Variants in SMURF2 observed in about 807,000 individuals in gnomAD.
SMURF2 encodes the protein E3 ubiquitin-protein ligase SMURF2.
SMURF2 carries 48 observed loss-of-function variants against 109.6 expected under a neutral mutation model. The ratio of observed to expected loss-of-function variants is 0.44; its 90% confidence interval spans 0.35 to 0.56. SMURF2 has a LOEUF of 0.56. SMURF2 is among the 20% of genes least tolerant of loss of function. The pLI, the probability that SMURF2 is intolerant of heterozygous loss-of-function variation, is 0.01. For missense variants in SMURF2, 575 were observed against 909.0 expected (o/e 0.63, Z 4.72); for synonymous variants, 288 against 317.1 (o/e 0.91, Z 0.97).
intron 5 of SMURF2, among the ~76,000 whole-genome samples, chr17:64,590,873 C>T (rs1490227808): frequency 1.4e-5 from 2 of 146,266 alleles, no homozygotes; most frequent in Non-Finnish European, 3.0e-5. Flanking sequence ...GAAGGATCAA[C>T]AGTTCTTCAC....
intron 1 of SMURF2, among the ~76,000 whole-genome samples, chr17:64,608,308 CT>C (rs782154790): frequency 2.6e-5 from 4 of 151,828 alleles, no homozygotes; most frequent in Non-Finnish European, 5.9e-5. Context: ...ATAAAAAAAC[CT>C]TTTGAAAACA....
chr17:64,628,911 C>A (rs1380485066), intron 1 of SMURF2, among the ~76,000 whole-genome samples: 1 of 152,156 alleles, frequency 6.6e-6, no homozygotes, highest in African/African-American at 2.4e-5. Context: ...TCTATCTCCT[C>A]CCCTGTTACT....
intron 10 of SMURF2, among the ~76,000 whole-genome samples, chr17:64,566,561 G>GTTTTTTTTTTTTTGTTTTTTT (rs1969306919): frequency 4.6e-5 from 2 of 43,784 alleles, no homozygotes; most frequent in African/African-American, 1.5e-4. Flanking sequence ...AAGCTTTCTG[G>GTTTTTTTTTTTTTGTTTTTTT]TTTTTTTTTT....
At chr17:64,591,061 G>GT (rs1555687675) in intron 5 of SMURF2, 23 bp downstream of exon 5, 1 of 1,591,718 alleles carries the variant, frequency 6.3e-7, no homozygotes, top group Non-Finnish European at 8.6e-7. Context: ...CAAAATTCAT[G>GT]TAACTTTAAA....
At chr17:64,602,468 C>T (rs187159493) in intron 2 of SMURF2, among the ~76,000 whole-genome samples, 68 of 152,108 alleles carry the variant, frequency 4.5e-4, no homozygotes, top group African/African-American at 1.5e-3. Flanking sequence ...AGTTCAATAC[C>T]TTAATAAAAA....
intron 1 of SMURF2, among the ~76,000 whole-genome samples, chr17:64,636,425 A>C (rs994582238): frequency 1.4e-4 from 21 of 152,084 alleles, no homozygotes; most frequent in Admixed American, 1.0e-3. Flanking sequence ...CAACATGGCA[A>C]AACTCCATCT....
chr17:64,644,853 C>T (rs1970539330), intron 1 of SMURF2, among the ~76,000 whole-genome samples: 1 of 148,204 alleles, frequency 6.7e-6, no homozygotes, highest in African/African-American at 2.5e-5. Context: ...TATACATATA[C>T]ACAAAAATTA....
chr17:64,634,551 G>C (rs1288194056), intron 1 of SMURF2, among the ~76,000 whole-genome samples: 2 of 152,122 alleles, frequency 1.3e-5, no homozygotes, highest in Admixed American at 1.3e-4. Context: ...GCAAGGAATT[G>C]GTATCCGCCT....
intron 3 of SMURF2, among the ~76,000 whole-genome samples, chr17:64,595,096 C>T (rs1312686145): frequency 5.3e-5 from 8 of 152,116 alleles, no homozygotes; most frequent in South Asian, 2.1e-4. Flanking sequence ...CTCAGGGCAA[C>T]GCACCACTGG....
intron 1 of SMURF2, among the ~76,000 whole-genome samples, chr17:64,621,084 T>C (rs1263913726): frequency 2.0e-5 from 3 of 152,220 alleles, no homozygotes; most frequent in African/African-American, 7.2e-5. Flanking sequence ...TCTAAAATTT[T>C]ATTTGCCTTG....
At chr17:64,586,552 T>C (rs781858358) in intron 5 of SMURF2, among the ~76,000 whole-genome samples, 2 of 144,088 alleles carry the variant, frequency 1.4e-5, no homozygotes, top group Non-Finnish European at 3.1e-5. Flanking sequence ...ATCGAGACCA[T>C]CCTGGCTAAC....
chr17:64,591,493 A>AT (rs1190805409), intron 4 of SMURF2, among the ~76,000 whole-genome samples: 4 of 152,226 alleles, frequency 2.6e-5, no homozygotes, highest in African/African-American at 9.6e-5. Context: ...TGCCTGGCAC[A>AT]TAAGTGGTCA....
rs906589569 is a variant in SMURF2 at position 64,662,094 on chromosome 17, C to T, written c.-214G>A. 83 of 1,069,036 alleles carry T rather than the reference C, an allele frequency of 7.8e-5. No homozygotes were observed. In the African/African-American group the frequency reaches 1.4e-3, roughly 18 times the overall value. 66.2% of individuals were successfully genotyped at this position (1,069,036 alleles called of 1,614,324 possible). On this transcript the variant is annotated 5_prime_UTR_variant, in exon 1 of 19. Coordinates refer to ENST00000262435, the MANE Select transcript of SMURF2 (RefSeq NM_022739.4). ...CCTCCTCCCACTTCTCCTTCCTCGG[C>T]CCGGGCCGCACAACAAAGCGGCAGC...
intron 1 of SMURF2, among the ~76,000 whole-genome samples, chr17:64,659,910 T>C (rs543084585): frequency 5.9e-5 from 9 of 152,318 alleles, no homozygotes; most frequent in East Asian, 1.9e-4. Context: ...AGACAAATAG[T>C]TGTAAGAAAC....
chr17:64,612,018 C>T (rs1970051203), intron 1 of SMURF2, among the ~76,000 whole-genome samples: 2 of 152,184 alleles, frequency 1.3e-5, no homozygotes, highest in African/African-American at 4.8e-5. Context: ...TAGGCTTCTT[C>T]ACCTACTCAT....
At chr17:64,608,428 CTCAA>C (rs1970001840) in intron 1 of SMURF2, among the ~76,000 whole-genome samples, 1 of 152,078 alleles carries the variant, frequency 6.6e-6, no homozygotes, top group Admixed American at 6.6e-5. Flanking sequence ...AACATAAAAA[CTCAA>C]TCAATCATGA....
At chr17:64,647,052 T>C (rs1970568368) in intron 1 of SMURF2, among the ~76,000 whole-genome samples, 3 of 152,220 alleles carry the variant, frequency 2.0e-5, no homozygotes, top group Admixed American at 1.3e-4. Context: ...TCAAGTCTTA[T>C]CTGTTTGGTT....
At chr17:64,636,784 A>G in intron 1 of SMURF2, among the ~76,000 whole-genome samples, 1 of 148,406 alleles carries the variant, frequency 6.7e-6, no homozygotes, top group African/African-American at 2.5e-5. Flanking sequence ...GCCTCAAAAA[A>G]AGAAAAAAAA....
At chr17:64,605,796 C>G (rs1166078577) in intron 2 of SMURF2, among the ~76,000 whole-genome samples, 1 of 130,336 alleles carries the variant, frequency 7.7e-6, no homozygotes, top group Non-Finnish European at 1.6e-5. Context: ...TTTAATCAAG[C>G]CCCTGAAAAT....
Sources: allele counts gnomAD v4.1 joint callset (sites outside exome capture counted in the v4.1 genomes callset), GRCh38; gene constraint gnomAD v4.1.1; transcripts MANE v1.5; gene names NCBI Gene and HGNC (gene_info 2026-07-23, HGNC 2026-07-21).